Variants in ZBBX observed in about 807,000 individuals in gnomAD.
ZBBX encodes the protein zinc finger B-box domain containing, also known as zinc finger B-box domain-containing protein 1.
Under a neutral mutation model 108.5 loss-of-function variants are expected in ZBBX, and 101 were observed. The observed-to-expected ratio is 0.93, with a 90% confidence interval of 0.79 to 1.10. The LOEUF is 1.10. ZBBX is among the 50% of genes least tolerant of loss of function. ZBBX has a pLI of 0.00. For missense variants in ZBBX, 1,009 were observed against 941.4 expected, an observed-to-expected ratio of 1.07 and a Z score of -0.94; for synonymous variants, 356 against 323.4, an observed-to-expected ratio of 1.10 and a Z score of -1.08.
chr3:167,346,796 A>G (rs1741533760), intron 9 of ZBBX, among the ~76,000 whole-genome samples: 3 of 151,924 alleles, frequency 2.0e-5, no homozygotes, highest in Admixed American at 6.6e-5. Flanking sequence ...AACAACAACA[A>G]CAAAAACTTT....
intron 4 of ZBBX, among the ~76,000 whole-genome samples, chr3:167,371,449 T>C (rs1209180952): frequency 6.6e-6 from 1 of 152,204 alleles, no homozygotes; most frequent in Non-Finnish European, 1.5e-5. Flanking sequence ...TCCTAGTCCC[T>C]TGCCTTTACA....
At chr3:167,179,305 G>A in the ZBBX span, among the ~76,000 whole-genome samples, 1 of 152,232 alleles carries the variant, frequency 6.6e-6, no homozygotes, top group Admixed American at 6.5e-5. Flanking sequence ...GGCATTGCTG[G>A]ATAATAGCTT....
the ZBBX span, among the ~76,000 whole-genome samples, chr3:167,222,138 G>T: frequency 6.6e-6 from 1 of 151,078 alleles, no homozygotes; most frequent in Non-Finnish European, 1.5e-5. Context: ...CAATAGACAA[G>T]ATTTGAAAGC....
chr3:167,396,022 G>A (rs993354108), intron 1 of ZBBX, among the ~76,000 whole-genome samples: 1 of 151,942 alleles, frequency 6.6e-6, no homozygotes. Context: ...AATCACTTGA[G>A]GAAGAAGACA....
At chr3:167,283,136 T>C (rs1326157973) in intron 19 of ZBBX, among the ~76,000 whole-genome samples, 2 of 152,210 alleles carry the variant, frequency 1.3e-5, no homozygotes, top group South Asian at 2.1e-4. Flanking sequence ...GGTTATTACA[T>C]TGTTCCTCTA....
chr3:167,359,203 A>G (rs969266269), intron 8 of ZBBX, among the ~76,000 whole-genome samples: 2 of 152,106 alleles, frequency 1.3e-5, no homozygotes, highest in African/African-American at 4.8e-5. Flanking sequence ...AGTATATACT[A>G]TATTATTCCA....
At chr3:167,326,910 T>G (rs1243821151) in intron 11 of ZBBX, among the ~76,000 whole-genome samples, 2 of 151,550 alleles carry the variant, frequency 1.3e-5, no homozygotes, top group African/African-American at 4.8e-5. Context: ...GGAAAAAAAA[T>G]GAAATAAAAA....
At chr3:167,354,600 T>C (rs1743215871) in intron 8 of ZBBX, among the ~76,000 whole-genome samples, 1 of 151,934 alleles carries the variant, frequency 6.6e-6, no homozygotes, top group African/African-American at 2.4e-5. Flanking sequence ...CCTAAATCCG[T>C]AATTTTAAGT....
chr3:167,336,898 T>C (rs1739641427), intron 9 of ZBBX, among the ~76,000 whole-genome samples: 1 of 152,208 alleles, frequency 6.6e-6, no homozygotes, highest in African/African-American at 2.4e-5. Context: ...ATCATAGTCA[T>C]ACCATATAAA....
At chr3:167,379,447 C>A (rs1301303273) in intron 2 of ZBBX, among the ~76,000 whole-genome samples, 191 bp downstream of exon 2, 1 of 152,184 alleles carries the variant, frequency 6.6e-6, no homozygotes, top group Non-Finnish European at 1.5e-5. Context: ...CAGGTCAGGG[C>A]AGCCCTCTGT....
At chr3:167,281,851 C>T (rs972440243) in intron 20 of ZBBX, among the ~76,000 whole-genome samples, 2 of 152,110 alleles carry the variant, frequency 1.3e-5, no homozygotes, top group Non-Finnish European at 2.9e-5. Flanking sequence ...AAAAGCACTG[C>T]TTTAAAAGAT....
chr3:167,389,159 T>C (rs1748012256), intron 1 of ZBBX, among the ~76,000 whole-genome samples: 1 of 152,024 alleles, frequency 6.6e-6, no homozygotes, highest in East Asian at 1.9e-4. Flanking sequence ...CCTCAGTGTG[T>C]GATGTTTCCC....
rs1218196887 is a variant in ZBBX, at chr3:167,365,901, T to A, written c.258A>T (p.Lys86Asn). Residue 86 changes from lysine (K) to asparagine (N), a missense_variant, in exon 6 of 22, where the codon AAA becomes AAT. Physicochemically the swap from Lys to Asn is moderately conservative, Grantham distance 94. Coordinates refer to ENST00000675490, the MANE Select transcript of ZBBX (RefSeq NM_001199201.2). ...VNQSYMMSQN[K>N]GNVVKFSAGK... The stretch of plus-strand genomic sequence containing the variant: ...ATCTTCTTACCTTAACAACATTTCC[T>A]TTATTTTGTGACATCATATATGATT... 1 of 1,607,154 alleles carries A rather than the reference T, an allele frequency of 6.2e-7. No individual in the cohort carries two copies. The highest frequency in any genetic ancestry group is 8.5e-7 in the Non-Finnish European group (1 of 1,175,600).
At chr3:167,344,222 G>C (rs538854926) in intron 9 of ZBBX, among the ~76,000 whole-genome samples, 2 of 151,906 alleles carry the variant, frequency 1.3e-5, no homozygotes, top group Admixed American at 1.3e-4. Flanking sequence ...GAGATAGGAG[G>C]AGGATGGAGC....
chr3:167,259,510 G>T (rs1724094077), intron 20 of ZBBX, among the ~76,000 whole-genome samples: 1 of 151,896 alleles, frequency 6.6e-6, no homozygotes, highest in Non-Finnish European at 1.5e-5. Context: ...CCTTTCTTCT[G>T]CTGGGTTTGG....
At position 167,240,843 on chromosome 3, in the gene ZBBX, A is replaced by C; in HGVS notation, c.2470T>G (p.Phe824Val). ...GTGATGACATGTTGCTTGTTGAGAA[A>C]ATCTTCCTCCTCCTCATCTGTACTG... ...ESSTDEEEEDFLNKQHVITLP... is the reference protein window; with the variant it reads ...ESSTDEEEEDVLNKQHVITLP... The change falls in exon 22 of 22, where the codon TTT (phenylalanine) becomes GTT (valine). Residue 824 changes from phenylalanine (F) to valine (V), a missense_variant. By Grantham distance (50) the Phe-to-Val change is conservative (BLOSUM62 -1). Coordinates refer to ENST00000675490, the MANE Select transcript of ZBBX (RefSeq NM_001199201.2). The C allele has an allele frequency of 6.2e-7, 1 of 1,613,612 alleles. No homozygotes were observed. The highest frequency in any genetic ancestry group is 1.3e-5 in the African/African-American group (1 of 74,992).
At chr3:167,179,463 G>C in the ZBBX span, among the ~76,000 whole-genome samples, 1 of 152,216 alleles carries the variant, frequency 6.6e-6, no homozygotes, top group Admixed American at 6.5e-5. Context: ...CCTGGAAGAG[G>C]GGTATGAGCC....
intron 15 of ZBBX, 138 bp downstream of exon 15, chr3:167,315,612 G>A (rs1401045656): frequency 1.6e-6 from 1 of 615,740 alleles, no homozygotes; most frequent in Non-Finnish European, 2.9e-6. Context: ...TTAAGCATGG[G>A]TTAAGTAAAA....
At chr3:167,369,746 A>G (rs987758097) in intron 4 of ZBBX, among the ~76,000 whole-genome samples, 6 of 152,182 alleles carry the variant, frequency 3.9e-5, no homozygotes, top group African/African-American at 1.2e-4. Context: ...AACAGCACAT[A>G]CCCCAGCCCT....
Sources: allele counts gnomAD v4.1 joint callset (sites outside exome capture counted in the v4.1 genomes callset), GRCh38; gene constraint gnomAD v4.1.1; transcripts MANE v1.5; gene names NCBI Gene and HGNC (gene_info 2026-07-23, HGNC 2026-07-21).